CTNND2: variants seen among roughly 807,000 people sequenced by gnomAD.
CTNND2 encodes the protein catenin delta 2.
In CTNND2, 22 loss-of-function variants were observed where a neutral mutation model predicts 144.4. That is an observed-to-expected ratio of 0.15 (90% CI 0.11 to 0.22). The LOEUF (loss-of-function observed/expected upper bound fraction) is 0.22, where lower values mean the gene tolerates loss of function less well. Ranked by LOEUF, CTNND2 falls within the 10% of genes least tolerant of loss-of-function variation. CTNND2 has a pLI of 1.00. For missense variants in CTNND2, 1,353 were observed against 1,618.8 expected (o/e 0.84, Z 2.82); for synonymous variants, 751 against 695.6 (o/e 1.08, Z -1.25).
chr5:11,419,289 T>C (rs549991027), intron 3 of CTNND2, among the ~76,000 whole-genome samples: 56 of 152,228 alleles, frequency 3.7e-4, no homozygotes, highest in African/African-American at 1.2e-3. Context: ...CTTTGATACT[T>C]GGAAGAGAAA....
At chr5:11,518,727 A>G (rs7737896) in intron 3 of CTNND2, among the ~76,000 whole-genome samples, 15,477 of 152,256 alleles carry the variant, frequency 0.1, 953 homozygotes, top group Admixed American at 0.16. Flanking sequence ...TGCCTACAGT[A>G]TTCAATACAG....
At chr5:11,533,383 C>T (rs527597794) in intron 3 of CTNND2, among the ~76,000 whole-genome samples, 50 of 152,276 alleles carry the variant, frequency 3.3e-4, no homozygotes, top group African/African-American at 1.2e-3. Flanking sequence ...CTCCTTCCAC[C>T]TAGGGTGGGA....
chr5:11,870,644 T>C (rs552142885), intron 1 of CTNND2, among the ~76,000 whole-genome samples: 28 of 152,300 alleles, frequency 1.8e-4, no homozygotes, highest in African/African-American at 6.0e-4. Flanking sequence ...ACCTGTCCTT[T>C]CCACATCTCC....
chr5:10,983,211 T>G (rs1484806633), intron 20 of CTNND2, among the ~76,000 whole-genome samples: 1 of 152,248 alleles, frequency 6.6e-6, no homozygotes, highest in African/African-American at 2.4e-5. Flanking sequence ...CTCATTACCC[T>G]TATTTGATTG....
chr5:11,445,389 G>A (rs1006475651), intron 3 of CTNND2, among the ~76,000 whole-genome samples: 7 of 152,162 alleles, frequency 4.6e-5, no homozygotes, highest in Non-Finnish European at 1.0e-4. Flanking sequence ...ACGGTTTCCC[G>A]AGATTAGGAC....
chr5:11,458,599 G>T (rs1422586195), intron 3 of CTNND2, among the ~76,000 whole-genome samples: 1 of 152,202 alleles, frequency 6.6e-6, no homozygotes, highest in African/African-American at 2.4e-5. Flanking sequence ...TGCATCTCTA[G>T]TCCATTATTT....
chr5:11,024,617 C>T (rs1318137941), intron 16 of CTNND2, among the ~76,000 whole-genome samples: 1 of 152,096 alleles, frequency 6.6e-6, no homozygotes, highest in Non-Finnish European at 1.5e-5. Context: ...AAAAAATACT[C>T]CAGTCATTGT....
chr5:11,799,427 A>C (rs979954045), intron 1 of CTNND2, among the ~76,000 whole-genome samples: 2 of 152,176 alleles, frequency 1.3e-5, no homozygotes, highest in African/African-American at 4.8e-5. Context: ...CATGGCTTAC[A>C]GTTCAATGTC....
At chr5:11,879,020 T>C (rs1371464394) in intron 1 of CTNND2, among the ~76,000 whole-genome samples, 1 of 152,072 alleles carries the variant, frequency 6.6e-6, no homozygotes, top group Non-Finnish European at 1.5e-5. Flanking sequence ...CCGCCCCACA[T>C]GGCAGAGCTG....
At chr5:11,674,851 G>A (rs1400869055) in intron 2 of CTNND2, among the ~76,000 whole-genome samples, 5 of 152,006 alleles carry the variant, frequency 3.3e-5, no homozygotes, top group African/African-American at 4.8e-5. Context: ...TCAGCCTCCC[G>A]AGTAGCTGGG....
intron 9 of CTNND2, among the ~76,000 whole-genome samples, chr5:11,317,682 A>C (rs1033133383): frequency 2.0e-5 from 3 of 152,050 alleles, no homozygotes; most frequent in Non-Finnish European, 4.4e-5. Flanking sequence ...TCTTTAATTC[A>C]AATACTATTT....
At chr5:11,692,095 AT>A (rs941335472) in intron 2 of CTNND2, among the ~76,000 whole-genome samples, 1 of 152,074 alleles carries the variant, frequency 6.6e-6, no homozygotes, top group Non-Finnish European at 1.5e-5. Flanking sequence ...CCATACATCT[AT>A]TTTTTTCTGA....
intron 9 of CTNND2, among the ~76,000 whole-genome samples, chr5:11,269,086 CAGCTTCTCTGCT>C (rs1745743080): frequency 6.6e-6 from 1 of 152,206 alleles, no homozygotes; most frequent in Non-Finnish European, 1.5e-5. Context: ...GGCTTGAGTC[CAGCTTCTCTGCT>C]TACTGACTGT....
chr5:11,354,062 C>T (rs1055375899), intron 8 of CTNND2, among the ~76,000 whole-genome samples: 13 of 152,280 alleles, frequency 8.5e-5, no homozygotes, highest in Admixed American at 6.5e-4. Flanking sequence ...GAAGGAGAGG[C>T]TGCATGGGGC....
intron 2 of CTNND2, among the ~76,000 whole-genome samples, chr5:11,674,117 C>CT (rs1784045920): frequency 6.6e-6 from 1 of 152,256 alleles, no homozygotes. Flanking sequence ...TGTGGTTACT[C>CT]TAAGTGTTGA....
At chr5:11,269,959 A>C (rs1466242947) in intron 9 of CTNND2, among the ~76,000 whole-genome samples, 1 of 152,250 alleles carries the variant, frequency 6.6e-6, no homozygotes. Context: ...AATATTAATC[A>C]CATGACAATT....
chr5:11,146,385 T>C (rs969793705), intron 12 of CTNND2, among the ~76,000 whole-genome samples: 1 of 152,202 alleles, frequency 6.6e-6, no homozygotes, highest in Non-Finnish European at 1.5e-5. Flanking sequence ...AGCAGCATCA[T>C]GGGAAAAGCA....
At chr5:10,977,933 G>A (rs1249596355) in intron 21 of CTNND2, among the ~76,000 whole-genome samples, 1 of 152,198 alleles carries the variant, frequency 6.6e-6, no homozygotes, top group Non-Finnish European at 1.5e-5. Context: ...TGTGTCTGGT[G>A]CAGGCGTCTC....
chr5:11,479,144 C>T (rs1768012036), intron 3 of CTNND2, among the ~76,000 whole-genome samples: 2 of 152,194 alleles, frequency 1.3e-5, no homozygotes, highest in African/African-American at 4.8e-5. Context: ...CCTCTACCTC[C>T]TCCAACCCTT....
Sources: allele counts gnomAD v4.1 joint callset (sites outside exome capture counted in the v4.1 genomes callset), GRCh38; gene constraint gnomAD v4.1.1; transcripts MANE v1.5; gene names NCBI Gene and HGNC (gene_info 2026-07-23, HGNC 2026-07-21).